Variants in PRKCB observed in about 807,000 individuals in gnomAD.
The protein encoded by PRKCB is protein kinase C beta.
Under a neutral mutation model 81.5 loss-of-function variants are expected in PRKCB, and 13 were observed. That is an observed-to-expected ratio of 0.16 (90% CI 0.10 to 0.25). PRKCB has a LOEUF of 0.25. Ranked by LOEUF, PRKCB falls within the 10% of genes least tolerant of loss-of-function variation. PRKCB has a pLI of 1.00. For synonymous variants in PRKCB, 335 were observed against 321.4 expected, an observed-to-expected ratio of 1.04 and a Z score of -0.45; for missense variants, 509 against 875.7, an observed-to-expected ratio of 0.58 and a Z score of 5.29.
chr16:24,214,326 C>A (rs770211842), intron 16 of PRKCB, among the ~76,000 whole-genome samples: 2 of 152,070 alleles, frequency 1.3e-5, no homozygotes, highest in Non-Finnish European at 2.9e-5. Flanking sequence ...GCTGACTTCT[C>A]GGGGTGGGTT....
At chr16:24,133,140 G>A (rs974447128) in intron 9 of PRKCB, among the ~76,000 whole-genome samples, 7 of 152,040 alleles carry the variant, frequency 4.6e-5, no homozygotes, top group Admixed American at 2.6e-4. Flanking sequence ...TGCTTTGGGA[G>A]GCCAAGGCAG....
At chr16:24,066,281 C>T (rs79091174) in intron 5 of PRKCB, among the ~76,000 whole-genome samples, 2,356 of 152,226 alleles carry the variant, frequency 0.015, 56 homozygotes, top group African/African-American at 0.055. Context: ...CTGTCTCTGA[C>T]ACTCTCTTCT....
intron 2 of PRKCB, among the ~76,000 whole-genome samples, chr16:23,864,915 C>T (rs749762219): frequency 2.0e-5 from 3 of 152,126 alleles, no homozygotes; most frequent in Non-Finnish European, 2.9e-5. Flanking sequence ...TCCCTAGTGT[C>T]GGTTGTTTCC....
chr16:24,124,284 T>G (rs1966835688), intron 9 of PRKCB, among the ~76,000 whole-genome samples: 1 of 152,096 alleles, frequency 6.6e-6, no homozygotes, highest in Admixed American at 6.6e-5. Flanking sequence ...AGTGCAAAAG[T>G]TCCAAGGTGG....
chr16:23,997,388 T>G (rs1964973655), intron 3 of PRKCB, among the ~76,000 whole-genome samples: 1 of 152,128 alleles, frequency 6.6e-6, no homozygotes, highest in Admixed American at 6.5e-5. Context: ...CCCAGACCCT[T>G]TAAGAATGAA....
intron 3 of PRKCB, among the ~76,000 whole-genome samples, chr16:24,016,809 C>G (rs1210576701): frequency 6.6e-6 from 1 of 152,214 alleles, no homozygotes; most frequent in Non-Finnish European, 1.5e-5. Flanking sequence ...CCCCTTAGCT[C>G]AGCCACAGCA....
At chr16:24,195,297 C>T (rs115322707) in intron 16 of PRKCB, among the ~76,000 whole-genome samples, 1 of 152,170 alleles carries the variant, frequency 6.6e-6, no homozygotes, top group Non-Finnish European at 1.5e-5. Context: ...CCTCCTCCCC[C>T]CAATCCCAGG....
At chr16:24,093,121 T>A (rs997865853) in intron 6 of PRKCB, among the ~76,000 whole-genome samples, 174 bp downstream of exon 6, 1 of 152,168 alleles carries the variant, frequency 6.6e-6, no homozygotes, top group Admixed American at 6.5e-5. Context: ...CCATCTGCAA[T>A]TTTGTATTGT....
chr16:23,900,583 C>T (rs1010853760), intron 2 of PRKCB, among the ~76,000 whole-genome samples: 3 of 150,084 alleles, frequency 2.0e-5, no homozygotes, highest in African/African-American at 7.3e-5. Flanking sequence ...CGCATATGAA[C>T]CTTATACCCT....
In PRKCB at chr16:24,180,776, T is replaced by C. The variant is rs1967607912; in HGVS notation, c.1395-14T>C. The C allele has an allele frequency of 9.3e-6, 15 of 1,612,264 alleles. No individual in the cohort carries two copies. In the East Asian group the frequency reaches 3.3e-4, roughly 36 times the overall value. On this transcript the variant is annotated splice_polypyrimidine_tract_variant and intron_variant, in intron 12 of 16. Transcript: ENST00000643927. Reference sequence around the variant, plus strand: ...GCGTTTAATTAAATCTCTAAATTCTTGTGTCTGCCATAGTGACCTAAAACT... The same window carrying C: ...GCGTTTAATTAAATCTCTAAATTCTCGTGTCTGCCATAGTGACCTAAAACT...
chr16:24,035,974 T>G (rs1341937045), intron 5 of PRKCB, among the ~76,000 whole-genome samples: 1 of 152,040 alleles, frequency 6.6e-6, no homozygotes, highest in Non-Finnish European at 1.5e-5. Context: ...GCAGGAAAAA[T>G]GGAGTCTTGA....
intron 5 of PRKCB, among the ~76,000 whole-genome samples, chr16:24,056,094 T>C (rs1185907231): frequency 6.6e-6 from 1 of 152,246 alleles, no homozygotes; most frequent in Non-Finnish European, 1.5e-5. Flanking sequence ...AATTTGGAAA[T>C]TAAAATGGTG....
chr16:24,015,618 A>C (rs1462001735), intron 3 of PRKCB, among the ~76,000 whole-genome samples: 1 of 152,208 alleles, frequency 6.6e-6, no homozygotes, highest in Non-Finnish European at 1.5e-5. Context: ...ACACCCTCTA[A>C]TTCCTTAAGA....
intron 12 of PRKCB, among the ~76,000 whole-genome samples, chr16:24,176,674 C>A (rs777674953): frequency 6.6e-5 from 10 of 152,134 alleles, no homozygotes; most frequent in Non-Finnish European, 1.2e-4. Context: ...AGGCGGATTG[C>A]CTGAGGTCAG....
At chr16:24,096,279 A>G (rs1489852011) in intron 7 of PRKCB, among the ~76,000 whole-genome samples, 3 of 152,202 alleles carry the variant, frequency 2.0e-5, no homozygotes, top group Non-Finnish European at 4.4e-5. Context: ...ATGAAATAAA[A>G]TAAAATAAAC....
intron 2 of PRKCB, among the ~76,000 whole-genome samples, chr16:23,863,649 G>A (rs896672903): frequency 1.3e-5 from 2 of 152,272 alleles, no homozygotes; most frequent in South Asian, 2.1e-4. Context: ...TGTCTATCCT[G>A]TAAATGTAAC....
At position 24,046,720 on chromosome 16, in the gene PRKCB, G is replaced by A. The variant is rs1388421437; in HGVS notation, c.529+11173G>A. Among the ~76,000 whole-genome samples, 3 of 152,142 alleles carry A rather than the reference G, an allele frequency of 2.0e-5. No individual in the cohort carries two copies. In the South Asian group the frequency reaches 6.2e-4, roughly 32 times the overall value. ...ATGGGGAGGGGTGGGTGACGCTGGAGGAAAGGCAGGGACAGCCAGTTAGGC... is the reference window on the plus strand; with the variant it reads ...ATGGGGAGGGGTGGGTGACGCTGGAAGAAAGGCAGGGACAGCCAGTTAGGC... On this transcript the variant is annotated intron_variant, in intron 5 of 16. Coordinates refer to ENST00000643927, the MANE Select transcript of PRKCB (RefSeq NM_002738.7).
In PRKCB at chr16:24,219,741, A is replaced by C. The variant is rs1296346816; in HGVS notation, c.*4925A>C. ...ATTCTTAACTGACATTCAATGACTT[A>C]CTTCTTTTCTTAGAAAATTTCCACC... On this transcript the variant is annotated 3_prime_UTR_variant, in exon 17 of 17. Transcript: ENST00000643927. The C allele has an allele frequency of 3.5e-5, 48 of 1,372,528 alleles. No homozygotes were observed. The highest frequency in any genetic ancestry group is 4.5e-5 in the Non-Finnish European group (48 of 1,064,150). 85.0% of individuals were successfully genotyped at this position (1,372,528 alleles called of 1,614,324 possible). A position where few individuals can be genotyped will look rare whatever the true frequency, so the allele number is the denominator to read the frequency against.
intron 10 of PRKCB, among the ~76,000 whole-genome samples, chr16:24,158,427 A>G (rs1967197558): frequency 6.6e-6 from 1 of 152,186 alleles, no homozygotes; most frequent in African/African-American, 2.4e-5. Context: ...GACTGAGGCC[A>G]CACAGCTAGT....
Sources: allele counts gnomAD v4.1 joint callset (sites outside exome capture counted in the v4.1 genomes callset), GRCh38; gene constraint gnomAD v4.1.1; transcripts MANE v1.5; gene names NCBI Gene and HGNC (gene_info 2026-07-23, HGNC 2026-07-21).